The following HIP1 variants were observed in gnomAD, a reference collection of about 807,000 sequenced individuals.
HIP1 encodes huntingtin interacting protein 1.
Under a neutral mutation model 147.6 loss-of-function variants are expected in HIP1, and 65 were observed. The observed-to-expected ratio is 0.44, with a 90% CI of 0.36 to 0.54. HIP1 has a LOEUF of 0.54. HIP1 is among the 20% of genes least tolerant of loss of function. The pLI is 0.00. For missense variants in HIP1, 1,061 were observed against 1,299.6 expected (o/e 0.82, Z 2.82); for synonymous variants, 479 against 504.0 (o/e 0.95, Z 0.67).
rs190193445 is a variant in HIP1 at position 75,716,828 on chromosome 7, G to T, written c.120+21973C>A. Among the ~76,000 whole-genome samples the T allele has an allele frequency of 1.5e-3, 215 of 146,724 alleles. 2 individuals are homozygous for T. Among genetic ancestry groups the T allele is most frequent in the Admixed American group, 4.8e-3 (71 of 14,872 alleles). ...ACCACCACGCCCAGCTTTTTTTTAG[G>T]GGGGGGGAAAGGATCTCACTCTGTC... is the stretch of plus-strand genomic sequence containing the variant. On this transcript the variant is annotated intron_variant, in intron 1 of 30. Transcript: ENST00000336926.
intron 7 of HIP1, 58 bp from the exon 8 acceptor site, chr7:75,573,959 T>G (rs587653867): frequency 1.3e-6 from 2 of 1,523,038 alleles, no homozygotes; most frequent in East Asian, 4.6e-5. Context: ...AGGCAGCCTC[T>G]TCAGAGGGGC....
intron 1 of HIP1, among the ~76,000 whole-genome samples, chr7:75,640,461 G>C (rs1554510317): frequency 6.6e-6 from 1 of 152,200 alleles, no homozygotes; most frequent in African/African-American, 2.4e-5. Context: ...GCTCCCGGCG[G>C]GCTCACGCCT....
At chr7:75,562,476 G>C (rs1795260326) in intron 11 of HIP1, among the ~76,000 whole-genome samples, 5 of 151,946 alleles carry the variant, frequency 3.3e-5, no homozygotes, top group Admixed American at 2.6e-4. Context: ...TTAATTTTAT[G>C]TATTTATATT....
At chr7:75,722,119 C>T (rs868938025) in intron 1 of HIP1, among the ~76,000 whole-genome samples, 1 of 152,082 alleles carries the variant, frequency 6.6e-6, no homozygotes, top group African/African-American at 2.4e-5. Context: ...GCCTGGCCAA[C>T]ATAGTGAGAC....
rs371671061 is a variant in HIP1 at position 75,539,488 on chromosome 7, T to C, written c.2953-57A>G. Reference sequence around the variant, plus strand: ...AATCATCTCTCAGAGATTTAATTTTTATTTATTTTTTTATAGAGATGGGGT... The same window carrying C: ...AATCATCTCTCAGAGATTTAATTTTCATTTATTTTTTTATAGAGATGGGGT... On this transcript the variant is annotated intron_variant, in intron 29 of 30. Coordinates refer to ENST00000336926, the MANE Select transcript of HIP1 (RefSeq NM_005338.7). The C allele has an allele frequency of 1.2e-5, 16 of 1,390,098 alleles. No homozygotes were observed. In the African/African-American group the frequency reaches 1.7e-4, roughly 15 times the overall value. The allele number at this position is 1,390,098 out of a possible 1,614,324, so 86.1% of individuals were successfully genotyped here.
At chr7:75,693,902 C>T (rs1800540322) in intron 1 of HIP1, among the ~76,000 whole-genome samples, 1 of 149,500 alleles carries the variant, frequency 6.7e-6, no homozygotes. Flanking sequence ...AAGTTCAGAA[C>T]TATCCAATTC....
At chr7:75,617,073 A>ATTTT (rs71519374) in intron 1 of HIP1, among the ~76,000 whole-genome samples, 3 of 123,548 alleles carry the variant, frequency 2.4e-5, no homozygotes, top group Non-Finnish European at 5.0e-5. Context: ...CACCCAGCTA[A>ATTTT]TTTTTTTTTT....
intron 14 of HIP1, among the ~76,000 whole-genome samples, chr7:75,558,652 T>C (rs1245727822): frequency 6.6e-6 from 1 of 152,154 alleles, no homozygotes; most frequent in East Asian, 1.9e-4. Context: ...CATATATGCT[T>C]TTCTCCCTTG....
chr7:75,671,963 G>C (rs989498829), intron 1 of HIP1, among the ~76,000 whole-genome samples: 15 of 152,018 alleles, frequency 9.9e-5, no homozygotes, highest in East Asian at 7.7e-4. Flanking sequence ...TTGAACTCCT[G>C]ACCTCAGATG....
At chr7:75,707,523 C>A (rs1206554616) in intron 1 of HIP1, among the ~76,000 whole-genome samples, 2 of 146,870 alleles carry the variant, frequency 1.4e-5, no homozygotes, top group African/African-American at 5.2e-5. Context: ...ATTGTAGATT[C>A]TGGATATTAG....
chr7:75,538,713 T>C (rs1794183590), intron 30 of HIP1, among the ~76,000 whole-genome samples: 1 of 151,868 alleles, frequency 6.6e-6, no homozygotes, highest in African/African-American at 2.4e-5. Flanking sequence ...TAGCTGGGAC[T>C]ACAGGCGCCC....
At chr7:75,615,154 C>T (rs1554505745) in intron 1 of HIP1, among the ~76,000 whole-genome samples, 2 of 152,140 alleles carry the variant, frequency 1.3e-5, no homozygotes, top group Admixed American at 1.3e-4. Flanking sequence ...CATACAACCA[C>T]AAGAGGGCCT....
At chr7:75,668,262 T>A (rs1799620027) in intron 1 of HIP1, among the ~76,000 whole-genome samples, 1 of 152,186 alleles carries the variant, frequency 6.6e-6, no homozygotes, top group Non-Finnish European at 1.5e-5. Flanking sequence ...GGAGTGTCCC[T>A]CCTCCTGTTG....
chr7:75,591,462 C>A (rs1353400191), intron 4 of HIP1, among the ~76,000 whole-genome samples: 1 of 152,090 alleles, frequency 6.6e-6, no homozygotes, highest in Non-Finnish European at 1.5e-5. Flanking sequence ...CACCTACCTC[C>A]CCCCTCATCC....
At chr7:75,710,570 G>C (rs1801139502) in intron 1 of HIP1, among the ~76,000 whole-genome samples, 1 of 152,124 alleles carries the variant, frequency 6.6e-6, no homozygotes, top group African/African-American at 2.4e-5. Flanking sequence ...GGAAAAGCTT[G>C]AGAAGAACTG....
intron 5 of HIP1, 40 bp downstream of exon 5, chr7:75,586,713 G>A: frequency 7.8e-7 from 1 of 1,277,150 alleles, no homozygotes. Flanking sequence ...ATGGAGCAGG[G>A]GAGGCGGCGG....
chr7:75,616,809 G>A (rs907446956), intron 1 of HIP1, among the ~76,000 whole-genome samples: 11 of 152,322 alleles, frequency 7.2e-5, no homozygotes, highest in East Asian at 3.9e-4. Context: ...GCTGGTGCCT[G>A]AGCCTGTGTC....
At chr7:75,558,038 C>A in intron 15 of HIP1, 129 bp downstream of exon 15, 1 of 753,072 alleles carries the variant, frequency 1.3e-6, no homozygotes, top group South Asian at 1.6e-5. Flanking sequence ...AGGTGTGGTT[C>A]CCGAGATGAC....
chr7:75,652,546 T>C (rs2117191347), intron 1 of HIP1, among the ~76,000 whole-genome samples: 1 of 152,050 alleles, frequency 6.6e-6, no homozygotes, highest in East Asian at 1.9e-4. Flanking sequence ...AAATTTTTTG[T>C]AGAAATGGTG....
Sources: allele counts gnomAD v4.1 joint callset (sites outside exome capture counted in the v4.1 genomes callset), GRCh38; gene constraint gnomAD v4.1.1; transcripts MANE v1.5; gene names NCBI Gene and HGNC (gene_info 2026-07-23, HGNC 2026-07-21).